The following TRNAU1AP variants were observed in gnomAD, a reference collection of about 807,000 sequenced individuals.
TRNAU1AP encodes tRNA selenocysteine 1-associated protein 1.
Under a neutral mutation model 43.3 loss-of-function variants are expected in TRNAU1AP, and 33 were observed. The observed-to-expected ratio is 0.76, with a 90% CI of 0.58 to 1.02. The LOEUF is 1.02. Among genes scored for constraint, TRNAU1AP ranks in the 50% least tolerant of loss-of-function variants. The pLI is 0.00. For missense variants in TRNAU1AP, 290 were observed against 362.7 expected, an observed-to-expected ratio of 0.80 and a Z score of 1.63; for synonymous variants, 143 against 129.1, an observed-to-expected ratio of 1.11 and a Z score of -0.73.
chr1:28,576,905 TA>T (rs2124223388), intron 8 of TRNAU1AP, among the ~76,000 whole-genome samples: 1 of 152,326 alleles, frequency 6.6e-6, no homozygotes, highest in East Asian at 1.9e-4. Context: ...AAAAAATTTT[TA>T]ATAGTATTTT....
chr1:28,573,774 A>G (rs1250261565), intron 8 of TRNAU1AP, among the ~76,000 whole-genome samples: 1 of 146,522 alleles, frequency 6.8e-6, no homozygotes, highest in African/African-American at 2.5e-5. Context: ...CTCTGTCTCA[A>G]AAAAAAAAAA....
At chr1:28,562,343 G>T (rs1317593500) in intron 4 of TRNAU1AP, among the ~76,000 whole-genome samples, 1 of 152,094 alleles carries the variant, frequency 6.6e-6, no homozygotes, top group Admixed American at 6.6e-5. Context: ...ATTAAATTAT[G>T]GTCATTAGTT....
chr1:28,557,185 C>T (rs557439874), intron 2 of TRNAU1AP, among the ~76,000 whole-genome samples: 77 of 151,388 alleles, frequency 5.1e-4, no homozygotes, highest in African/African-American at 1.6e-3. Context: ...TTTGGGAGGC[C>T]GAGGCAGGCG....
chr1:28,563,870 AT>A (rs1036293774), intron 4 of TRNAU1AP, among the ~76,000 whole-genome samples: 2 of 152,024 alleles, frequency 1.3e-5, no homozygotes, highest in Admixed American at 6.6e-5. Flanking sequence ...GAAAAAAAAA[AT>A]AACAAAGGTT....
At chr1:28,572,966 A>G (rs1665693955) in intron 8 of TRNAU1AP, among the ~76,000 whole-genome samples, 2 of 151,996 alleles carry the variant, frequency 1.3e-5, no homozygotes, top group Admixed American at 6.6e-5. Flanking sequence ...ATAGTAAAGT[A>G]TAATGAAACT....
chr1:28,564,073 T>A (rs145881990), intron 4 of TRNAU1AP, among the ~76,000 whole-genome samples: 17 of 152,212 alleles, frequency 1.1e-4, no homozygotes, highest in Admixed American at 2.6e-4. Flanking sequence ...GAGACCAGCG[T>A]GGCCAACTTG....
chr1:28,568,271 T>C (rs1456250731), intron 6 of TRNAU1AP, among the ~76,000 whole-genome samples: 1 of 152,158 alleles, frequency 6.6e-6, no homozygotes, highest in Non-Finnish European at 1.5e-5. Flanking sequence ...TCCAAACTTT[T>C]CTCTGAATGG....
chr1:28,554,943 T>A (rs1215102977), intron 2 of TRNAU1AP, among the ~76,000 whole-genome samples: 1 of 151,920 alleles, frequency 6.6e-6, no homozygotes, highest in Admixed American at 6.6e-5. Flanking sequence ...GCCATTCATT[T>A]AAAAAATTGT....
At chr1:28,577,400 G>A in intron 8 of TRNAU1AP, 100 bp from the exon 9 acceptor site, 1 of 1,349,080 alleles carries the variant, frequency 7.4e-7, no homozygotes, top group Non-Finnish European at 1.0e-6. Flanking sequence ...GGCAGGATAG[G>A]GACCTTACCA....
Position 28,553,137 on chromosome 1 carries a change from C to A in TRNAU1AP, c.27C>A (p.Asp9Glu), listed in dbSNP as rs1039687225. The change falls in exon 1 of 9, where the codon GAC (aspartate) becomes GAA (glutamate). Residue 9 changes from aspartate (D) to glutamate (E), a missense_variant and splice_region_variant. Physicochemically the swap from Asp to Glu is conservative, Grantham distance 45 (BLOSUM62 2). Coordinates refer to ENST00000373830, the MANE Select transcript of TRNAU1AP (RefSeq NM_017846.5). MAASLWMG[D>E]LEPYMDENFI... ...TGGCGGCCAGCCTGTGGATGGGCGA[C>A]GTGAGTGAGGGCAGCCGTCCGGGGT... The A allele has an allele frequency of 6.6e-7, 1 of 1,518,734 alleles. No individual in the cohort carries two copies. Among genetic ancestry groups the A allele is most frequent in the South Asian group, 1.2e-5 (1 of 81,808 alleles). 94.1% of individuals were successfully genotyped at this position (1,518,734 alleles called of 1,614,324 possible).
At chr1:28,577,321 G>C (rs1365813812) in intron 8 of TRNAU1AP, among the ~76,000 whole-genome samples, 179 bp from the exon 9 acceptor site, 1 of 152,128 alleles carries the variant, frequency 6.6e-6, no homozygotes, top group African/African-American at 2.4e-5. Context: ...CCATTCTCTA[G>C]ATACATTATT....
At chr1:28,569,477 G>C (rs554965383) in intron 6 of TRNAU1AP, among the ~76,000 whole-genome samples, 4 of 151,750 alleles carry the variant, frequency 2.6e-5, no homozygotes, top group Non-Finnish European at 5.9e-5. Flanking sequence ...GGATCACAAG[G>C]TCAGGAGATC....
intron 8 of TRNAU1AP, among the ~76,000 whole-genome samples, chr1:28,577,041 G>A (rs906006713): frequency 2.0e-5 from 3 of 152,324 alleles, no homozygotes; most frequent in Admixed American, 2.0e-4. Flanking sequence ...ACTCTAGCCT[G>A]TGTGACAGAG....
At chr1:28,571,130 C>G (rs373896346) in intron 6 of TRNAU1AP, 46 bp from the exon 7 acceptor site, 4 of 1,590,950 alleles carry the variant, frequency 2.5e-6, no homozygotes, top group Non-Finnish European at 3.4e-6. Flanking sequence ...GGCAGTGTTA[C>G]GGAAATGTTT....
chr1:28,577,678 T>A lies in TRNAU1AP; in HGVS notation c.*42T>A. 2.6e-6 allele frequency: 4 copies of A among 1,555,758 alleles called. No homozygotes were observed. Among genetic ancestry groups the A allele is most frequent in the East Asian group, 2.3e-5 (1 of 43,800 alleles). ...GCCAGGTTGCATGATGTGAGGGAGA[T>A]GAGAGACTCCTTTTTAAAAATTGTG... On this transcript the variant is annotated 3_prime_UTR_variant, in exon 9 of 9. Transcript: ENST00000373830.
intron 8 of TRNAU1AP, among the ~76,000 whole-genome samples, chr1:28,572,957 T>C (rs754783602): frequency 1.3e-4 from 20 of 151,256 alleles, no homozygotes; most frequent in Admixed American, 7.9e-4. Context: ...AAAGAAAATA[T>C]AGTAAAGTAT....
rs776929126 is a variant in TRNAU1AP, at chr1:28,577,663, A to G, written c.*27A>G. The stretch of plus-strand genomic sequence containing the variant: ...CAGGCCAAAGGACAAGCCAGGTTGC[A>G]TGATGTGAGGGAGATGAGAGACTCC... On this transcript the variant is annotated 3_prime_UTR_variant, in exon 9 of 9. Transcript: ENST00000373830. The G allele has an allele frequency of 2.5e-6, 4 of 1,602,352 alleles. No individual in the cohort carries two copies. In the African/African-American group the frequency reaches 4.0e-5, roughly 16 times the overall value.
chr1:28,566,472 G>A (rs1665540932), intron 5 of TRNAU1AP, among the ~76,000 whole-genome samples: 1 of 151,802 alleles, frequency 6.6e-6, no homozygotes, highest in South Asian at 2.1e-4. Context: ...AAAAATACAG[G>A]CCAGGCGTGG....
intron 4 of TRNAU1AP, 152 bp from the exon 5 acceptor site, chr1:28,564,551 C>A: frequency 1.1e-6 from 1 of 876,136 alleles, no homozygotes; most frequent in Non-Finnish European, 1.7e-6. Flanking sequence ...GCCAGGACTG[C>A]TCTGATGAAA....
Sources: allele counts gnomAD v4.1 joint callset (sites outside exome capture counted in the v4.1 genomes callset), GRCh38; gene constraint gnomAD v4.1.1; transcripts MANE v1.5; gene names NCBI Gene and HGNC (gene_info 2026-07-23, HGNC 2026-07-21).